NPHP4: variants seen among roughly 807,000 people sequenced by gnomAD.
NPHP4 encodes the protein nephrocystin 4.
In NPHP4, 151 loss-of-function variants were observed where a neutral mutation model predicts 155.8. The ratio of observed to expected loss-of-function variants is 0.97; its 90% CI spans 0.85 to 1.11. The LOEUF (loss-of-function observed/expected upper bound fraction) is 1.11. Ranked by LOEUF, NPHP4 falls within the 50% of genes least tolerant of loss-of-function variation. The pLI, the probability that NPHP4 is intolerant of heterozygous loss-of-function variation, is 0.00. For synonymous variants in NPHP4, 845 were observed against 816.8 expected (o/e 1.03, Z -0.59); for missense variants, 1,956 against 1,925.7 (o/e 1.02, Z -0.29).
chr1:5,964,059 C>T (rs1570665143), intron 5 of NPHP4, among the ~76,000 whole-genome samples: 1 of 152,272 alleles, frequency 6.6e-6, no homozygotes, highest in East Asian at 1.9e-4. Flanking sequence ...ACATCAATTC[C>T]ACGAAACACC....
chr1:5,957,091 T>G (rs1649383677), intron 6 of NPHP4, among the ~76,000 whole-genome samples: 2 of 152,170 alleles, frequency 1.3e-5, no homozygotes, highest in African/African-American at 4.8e-5. Context: ...GTGGCAGAAG[T>G]GACCCCCACT....
In NPHP4 at chr1:5,948,203, G is replaced by A; in HGVS notation, c.859C>T (p.Leu287=). Residue 287 remains leucine (L), a synonymous_variant, in exon 8 of 30, where the codon CTG becomes TTG. Coordinates refer to ENST00000378156, the MANE Select transcript of NPHP4 (RefSeq NM_015102.5). ...GGALEILERR[L]RVGVHNGLGF... is the part of the protein sequence containing the mutation. ...AGACCATTGTGCACGCCCACACGCA[G>A]GCGCCGCTCCAGGATCTCCAGGGCA... The A allele has an allele frequency of 6.2e-7, 1 of 1,605,354 alleles. No individual in the cohort carries two copies. The highest frequency in any genetic ancestry group is 8.5e-7 in the Non-Finnish European group (1 of 1,177,262).
intron 5 of NPHP4, among the ~76,000 whole-genome samples, chr1:5,963,666 C>T (rs1465538407): frequency 2.7e-5 from 4 of 148,872 alleles, no homozygotes; most frequent in African/African-American, 7.4e-5. Context: ...CCCACTGCAA[C>T]GGGGTTTCCA....
At chr1:5,924,626 C>T (rs1448014846) in intron 11 of NPHP4, among the ~76,000 whole-genome samples, 1 of 152,140 alleles carries the variant, frequency 6.6e-6, no homozygotes, top group East Asian at 1.9e-4. Flanking sequence ...TAACTAGCTG[C>T]TCTTTTCCAG....
chr1:5,875,270 C>T (rs902931939), intron 20 of NPHP4, among the ~76,000 whole-genome samples, 170 bp from the exon 21 acceptor site: 7 of 152,178 alleles, frequency 4.6e-5, no homozygotes, highest in East Asian at 1.9e-4. Context: ...TGGCCGGCCC[C>T]GCCCAGGCAT....
At chr1:5,964,929 A>ATTTTTTTTTTT (rs1557850444) in intron 5 of NPHP4, among the ~76,000 whole-genome samples, 2 of 25,340 alleles carry the variant, frequency 7.9e-5, no homozygotes, top group African/African-American at 3.7e-4. Context: ...ATATATATAT[A>ATTTTTTTTTTT]TATATATATA....
In NPHP4 at chr1:5,867,863, C is replaced by T. The variant is rs764488616; in HGVS notation, c.3349G>A (p.Ala1117Thr). ...LFRASGGKPIAVLCLTVELQP... is the reference protein window; with the variant it reads ...LFRASGGKPITVLCLTVELQP... The stretch of plus-strand genomic sequence containing the variant: ...AGCTCCACAGTCAGGCAGAGCACGG[C>T]GATGGGCTTGCCACCACTCGCTCGG... Residue 1117 changes from alanine (A) to threonine (T), a missense_variant, in exon 24 of 30, where the codon GCC becomes ACC. Ala to Thr is a moderately conservative substitution (Grantham distance 58, BLOSUM62 0). Coordinates refer to ENST00000378156, the MANE Select transcript of NPHP4 (RefSeq NM_015102.5). This position sits in a 1 kb window ranked among gnomAD's most constrained non-coding sequence, Gnocchi z 4.1. 8.1e-6 allele frequency: 13 copies of T among 1,613,938 alleles called. No individual in the cohort carries two copies. Among genetic ancestry groups the T allele is most frequent in the Non-Finnish European group, 1.0e-5 (12 of 1,179,894 alleles).
At chr1:5,880,279 A>G (rs774177513) in intron 18 of NPHP4, 40 bp from the exon 19 acceptor site, 3 of 1,605,816 alleles carry the variant, frequency 1.9e-6, no homozygotes. Flanking sequence ...TGAACCCCAA[A>G]TGAGAATCTG....
chr1:5,937,794 C>T (rs1386626586), intron 9 of NPHP4, among the ~76,000 whole-genome samples: 3 of 152,174 alleles, frequency 2.0e-5, no homozygotes, highest in African/African-American at 7.2e-5. Flanking sequence ...TCTGAATGTT[C>T]CTAGTATCAC....
chr1:5,879,583 T>C (rs1445537166), intron 19 of NPHP4: 1 of 519,126 alleles, frequency 1.9e-6, no homozygotes, highest in Admixed American at 1.9e-5. Flanking sequence ...CAAATGCCAC[T>C]GGCAGGGTTC....
intron 9 of NPHP4, among the ~76,000 whole-genome samples, chr1:5,943,437 C>T (rs1406717956): frequency 3.9e-5 from 6 of 152,180 alleles, no homozygotes; most frequent in Admixed American, 3.3e-4. Context: ...CAGATGAATC[C>T]TTCCACAAAG....
chr1:5,946,301 TTTTA>T (rs1237002035), intron 9 of NPHP4, among the ~76,000 whole-genome samples: 2 of 152,210 alleles, frequency 1.3e-5, no homozygotes, highest in Non-Finnish European at 2.9e-5. Flanking sequence ...TGTCCACATA[TTTTA>T]TTTCTTTCAA....
chr1:5,979,855 G>C (rs1654358413), intron 2 of NPHP4, among the ~76,000 whole-genome samples: 1 of 152,068 alleles, frequency 6.6e-6, no homozygotes, highest in African/African-American at 2.4e-5. Flanking sequence ...TCTGGCATCT[G>C]GGGCCTCAGT....
At chr1:5,913,703 G>A (rs571751743) in intron 11 of NPHP4, among the ~76,000 whole-genome samples, 207 of 152,306 alleles carry the variant, frequency 1.4e-3, no homozygotes, top group African/African-American at 4.7e-3. Flanking sequence ...CATTCCACAC[G>A]CAAGAGAGAC....
chr1:5,900,596 C>T (rs1570337872), intron 16 of NPHP4, among the ~76,000 whole-genome samples: 1 of 152,062 alleles, frequency 6.6e-6, no homozygotes, highest in African/African-American at 2.4e-5. Flanking sequence ...GGCCATGAAG[C>T]TATTCTGTAT....
At chr1:5,879,292 C>A (rs1227266177) in intron 19 of NPHP4, 1 of 306,974 alleles carries the variant, frequency 3.3e-6, no homozygotes, top group Non-Finnish European at 6.4e-6. Flanking sequence ...AAGAGCACTT[C>A]CCACTTGTAA....
chr1:5,986,360 C>G, intron 1 of NPHP4, 33 bp from the exon 2 acceptor site: 1 of 1,563,290 alleles, frequency 6.4e-7, no homozygotes, highest in South Asian at 1.1e-5. Flanking sequence ...AAGAGAAGAG[C>G]TGTGAGGGCT....
At chr1:5,916,001 C>T (rs1446584911) in intron 11 of NPHP4, among the ~76,000 whole-genome samples, 1 of 152,180 alleles carries the variant, frequency 6.6e-6, no homozygotes, top group Non-Finnish European at 1.5e-5. Flanking sequence ...TCTAACTCCA[C>T]GTGTCCTGGG....
chr1:5,873,272 C>T lies in NPHP4; in HGVS notation c.3295G>A (p.Val1099Met). Residue 1099 changes from valine (V) to methionine (M), a missense_variant, in exon 23 of 30, where the codon GTG becomes ATG. Physicochemically the swap from Val to Met is conservative, Grantham distance 21 (BLOSUM62 1). Transcript: ENST00000378156. ...TTTACCTTGGCGTGTTTAGTGGGCA[C>T]TGCGCTGGACTTCCAAGGTGACACG... ...DAVSPWKSSAVPTKHAKVLFR... is the reference protein window; with the variant it reads ...DAVSPWKSSAMPTKHAKVLFR... 1 of 1,613,962 alleles carries T rather than the reference C, an allele frequency of 6.2e-7. No homozygotes were observed. The highest frequency in any genetic ancestry group is 8.5e-7 in the Non-Finnish European group (1 of 1,179,826).
Sources: gnomAD v4.1 joint callset for allele counts (sites outside exome capture counted in the v4.1 genomes callset) on GRCh38, gnomAD v4.1.1 for gene constraint, Gnocchi (gnomAD v3.1) non-coding constraint, MANE v1.5 for transcripts, NCBI Gene and HGNC (gene_info 2026-07-23, HGNC 2026-07-21) for gene names.